SYT1: variants seen among roughly 807,000 people sequenced by gnomAD.
The protein encoded by SYT1 is synaptotagmin 1, also known as synaptotagmin-1.
SYT1 carries 8 observed loss-of-function variants against 44.8 expected under a neutral mutation model. The observed-to-expected ratio is 0.18, with a 90% CI of 0.10 to 0.32. SYT1 has a LOEUF of 0.32. Ranked by LOEUF, SYT1 falls within the 10% of genes least tolerant of loss-of-function variation. The pLI is 1.00. For missense variants in SYT1, 286 were observed against 509.3 expected (o/e 0.56, Z 4.22); for synonymous variants, 154 against 188.8 (o/e 0.82, Z 1.51).
intron 4 of SYT1, among the ~76,000 whole-genome samples, chr12:79,271,628 C>T (rs1472272497): frequency 1.3e-5 from 2 of 152,150 alleles, no homozygotes; most frequent in Non-Finnish European, 2.9e-5. Flanking sequence ...ATAGTAGATG[C>T]TCAATAAATA....
At chr12:79,193,434 C>T (rs1873250241) in intron 3 of SYT1, among the ~76,000 whole-genome samples, 1 of 152,098 alleles carries the variant, frequency 6.6e-6, no homozygotes, top group Non-Finnish European at 1.5e-5. Context: ...TTTGCCAGGA[C>T]TGAGGAAAAT....
intron 1 of SYT1, among the ~76,000 whole-genome samples, chr12:78,888,638 G>A (rs555881528): frequency 6.6e-6 from 1 of 151,952 alleles, no homozygotes; most frequent in South Asian, 2.1e-4. Flanking sequence ...TTTTAGGAGT[G>A]CTTCAAAGAT....
intron 8 of SYT1, among the ~76,000 whole-genome samples, chr12:79,312,087 GT>G (rs1375559411): frequency 1.3e-5 from 2 of 151,882 alleles, no homozygotes; most frequent in African/African-American, 2.4e-5. Flanking sequence ...TGGGGAAAAT[GT>G]TTTTTTGTGG....
intron 3 of SYT1, among the ~76,000 whole-genome samples, chr12:79,118,929 T>G (rs1463209337): frequency 7.9e-5 from 12 of 152,252 alleles, no homozygotes; most frequent in Non-Finnish European, 1.6e-4. Context: ...GATATCCAAC[T>G]GCCTACTAAA....
intron 9 of SYT1, among the ~76,000 whole-genome samples, chr12:79,404,231 G>A (rs1885166595): frequency 6.6e-6 from 1 of 152,098 alleles, no homozygotes; most frequent in Admixed American, 6.6e-5. Context: ...ATTACCTTAT[G>A]TAATTCCCAT....
chr12:79,139,536 G>GA (rs906533101), intron 3 of SYT1, among the ~76,000 whole-genome samples: 5 of 151,938 alleles, frequency 3.3e-5, no homozygotes, highest in African/African-American at 1.2e-4. Context: ...TATTGGCCTT[G>GA]AAAAAAATAC....
At chr12:79,393,963 T>A (rs528251888) in intron 9 of SYT1, 9 of 152,354 alleles carry the variant, frequency 5.9e-5, no homozygotes, top group African/African-American at 1.9e-4. Flanking sequence ...TTCATCAGTA[T>A]ATACCCCTCT....
At chr12:79,222,080 T>C (rs114609401) in intron 4 of SYT1, among the ~76,000 whole-genome samples, 1 of 152,184 alleles carries the variant, frequency 6.6e-6, no homozygotes, top group Non-Finnish European at 1.5e-5. Context: ...CTATTCTCTG[T>C]TGGCAGTTTT....
At chr12:79,208,700 C>T (rs1391320004) in intron 3 of SYT1, among the ~76,000 whole-genome samples, 1 of 152,138 alleles carries the variant, frequency 6.6e-6, no homozygotes, top group African/African-American at 2.4e-5. Flanking sequence ...GGTGAGCATG[C>T]AATATTTCCT....
At chr12:79,335,328 T>G (rs186344931) in intron 8 of SYT1, among the ~76,000 whole-genome samples, 10 of 152,214 alleles carry the variant, frequency 6.6e-5, no homozygotes, top group Non-Finnish European at 8.8e-5. Flanking sequence ...TTTCCTCGTA[T>G]TTCTTCTGTG....
intron 9 of SYT1, among the ~76,000 whole-genome samples, chr12:79,430,222 C>T (rs1392166698): frequency 6.6e-6 from 1 of 152,140 alleles, no homozygotes; most frequent in Admixed American, 6.5e-5. Flanking sequence ...GACTATAAAG[C>T]CTCAAATTCA....
chr12:79,128,605 C>G (rs909695100), intron 3 of SYT1, among the ~76,000 whole-genome samples: 1 of 152,134 alleles, frequency 6.6e-6, no homozygotes, highest in African/African-American at 2.4e-5. Context: ...TTTGTTGATA[C>G]CCTATTAAAA....
chr12:79,378,688 C>T (rs749890402), intron 9 of SYT1, among the ~76,000 whole-genome samples: 11 of 152,136 alleles, frequency 7.2e-5, no homozygotes, highest in Non-Finnish European at 1.6e-4. Context: ...GGGGTAAAGG[C>T]TTCTGATGAG....
At chr12:79,285,482 C>A (rs541597657) in intron 4 of SYT1, among the ~76,000 whole-genome samples, 2 of 152,286 alleles carry the variant, frequency 1.3e-5, no homozygotes, top group East Asian at 3.9e-4. Flanking sequence ...AATGGCTGAA[C>A]TCCAAAGCTT....
chr12:79,336,226 G>T (rs1338587594), intron 8 of SYT1, among the ~76,000 whole-genome samples: 1 of 151,980 alleles, frequency 6.6e-6, no homozygotes. Context: ...GATAATTAGG[G>T]TCCTGCCACA....
chr12:79,402,939 AC>A (rs775851428), intron 9 of SYT1, among the ~76,000 whole-genome samples: 4 of 152,220 alleles, frequency 2.6e-5, no homozygotes, highest in Non-Finnish European at 4.4e-5. Flanking sequence ...TTTTCATAAT[AC>A]CACGAACAAA....
At chr12:78,882,100 A>G (rs930739918) in intron 1 of SYT1, among the ~76,000 whole-genome samples, 2 of 151,786 alleles carry the variant, frequency 1.3e-5, no homozygotes, top group African/African-American at 4.8e-5. Flanking sequence ...TGTATGCTCT[A>G]TGGAAGCAGC....
At chr12:79,236,658 A>C (rs543051230) in intron 4 of SYT1, among the ~76,000 whole-genome samples, 7 of 152,344 alleles carry the variant, frequency 4.6e-5, no homozygotes, top group African/African-American at 1.7e-4. Flanking sequence ...ACCCATTCCT[A>C]CATAGTGCCA....
intron 9 of SYT1, among the ~76,000 whole-genome samples, chr12:79,370,629 G>A (rs1883745722): frequency 6.6e-6 from 1 of 152,096 alleles, no homozygotes; most frequent in African/African-American, 2.4e-5. Context: ...CGGGCATGGT[G>A]ACGGGCGCCT....
Sources: allele counts gnomAD v4.1 joint callset (sites outside exome capture counted in the v4.1 genomes callset), GRCh38; gene constraint gnomAD v4.1.1; transcripts MANE v1.5; gene names NCBI Gene and HGNC (gene_info 2026-07-23, HGNC 2026-07-21).